Variants in EFCAB6 observed in about 807,000 individuals in gnomAD.
The protein encoded by EFCAB6 is EF-hand calcium-binding domain-containing protein 6.
EFCAB6 carries 156 observed loss-of-function variants against 169.8 expected under a neutral mutation model. The observed-to-expected ratio is 0.92, with a 90% CI of 0.81 to 1.05. The LOEUF is 1.05. EFCAB6 is among the 50% of genes least tolerant of loss of function. The pLI, the probability that EFCAB6 is intolerant of heterozygous loss-of-function variation, is 0.00. For synonymous variants in EFCAB6, 698 were observed against 676.4 expected (o/e 1.03, Z -0.50); for missense variants, 1,800 against 1,829.1 (o/e 0.98, Z 0.29).
intron 22 of EFCAB6, among the ~76,000 whole-genome samples, chr22:43,602,603 A>C (rs2052602328): frequency 6.6e-6 from 1 of 152,136 alleles, no homozygotes; most frequent in African/African-American, 2.4e-5. Context: ...AGGACAATGT[A>C]ATAATGCAAC....
intron 2 of EFCAB6, among the ~76,000 whole-genome samples, chr22:43,799,329 C>CCACACACACACACACACA (rs112231545): frequency 6.8e-6 from 1 of 146,548 alleles, no homozygotes; most frequent in African/African-American, 2.5e-5. Flanking sequence ...GAATCTGTCT[C>CCACACACACACACACACA]CACACACACA....
intron 9 of EFCAB6, among the ~76,000 whole-genome samples, chr22:43,714,410 T>C (rs1459969258): frequency 6.6e-6 from 1 of 152,114 alleles, no homozygotes; most frequent in African/African-American, 2.4e-5. Context: ...TGCCACCACA[T>C]TGATTTTCCT....
chr22:43,742,422 A>T (rs1020241565), intron 6 of EFCAB6, among the ~76,000 whole-genome samples: 3 of 151,996 alleles, frequency 2.0e-5, no homozygotes, highest in Non-Finnish European at 4.4e-5. Context: ...ACTGACCCAT[A>T]CTCCACTCCT....
chr22:43,670,126 A>G (rs1473300506), intron 15 of EFCAB6, among the ~76,000 whole-genome samples: 2 of 152,220 alleles, frequency 1.3e-5, no homozygotes, highest in East Asian at 1.9e-4. Flanking sequence ...TACACTTGCT[A>G]TAACTGCTGT....
At position 43,637,818 on chromosome 22, in the gene EFCAB6, C is replaced by A. The variant is rs371804853; in HGVS notation, c.1984-2602G>T. Among the ~76,000 whole-genome samples, 3 of 152,366 alleles carry A rather than the reference C, an allele frequency of 2.0e-5. No homozygotes were observed. The East Asian group carries it at 5.8e-4, about 29-fold the overall frequency. ...GCCGTGGCCCCCGCAGAAGCACACACAGCCGCGGTGAGCCTCTGGTTGCTT... is the reference window on the plus strand; with the variant it reads ...GCCGTGGCCCCCGCAGAAGCACACAAAGCCGCGGTGAGCCTCTGGTTGCTT... On this transcript the variant is annotated intron_variant, in intron 17 of 31. Transcript: ENST00000262726.
chr22:43,616,697 T>C (rs146083762), intron 20 of EFCAB6, among the ~76,000 whole-genome samples: 1 of 152,160 alleles, frequency 6.6e-6, no homozygotes, highest in East Asian at 1.9e-4. Flanking sequence ...AATTCTATCA[T>C]ATTTACTCAC....
rs202139802 is a variant in EFCAB6, at chr22:43,746,766, AT to A, written c.507+8999del. ...TCTCTACAAAAAATTAGAAATTAAAATTTTAAAAAGGGCTGCTGATCTATAA... is the reference window on the plus strand; with the variant it reads ...TCTCTACAAAAAATTAGAAATTAAAATTTAAAAAGGGCTGCTGATCTATAA... On this transcript the variant is annotated intron_variant, in intron 6 of 31. Coordinates refer to ENST00000262726, the MANE Select transcript of EFCAB6 (RefSeq NM_022785.4). Among the ~76,000 whole-genome samples the A allele has an allele frequency of 8.9e-3, 1,351 of 152,282 alleles. 17 individuals are homozygous for A. The highest frequency in any genetic ancestry group is 0.031 in the African/African-American group (1,306 of 41,554).
chr22:43,650,310 T>C (rs2056404992), intron 17 of EFCAB6, among the ~76,000 whole-genome samples: 1 of 152,172 alleles, frequency 6.6e-6, no homozygotes. Flanking sequence ...TGATAGTGAA[T>C]AGGTCTCAAG....
intron 17 of EFCAB6, among the ~76,000 whole-genome samples, chr22:43,644,989 G>A (rs2056061505): frequency 1.3e-5 from 2 of 152,152 alleles, no homozygotes; most frequent in Admixed American, 6.5e-5. Context: ...CTTTCAATAA[G>A]CAACTTTTCC....
chr22:43,624,482 A>G (rs2054355803), intron 20 of EFCAB6, among the ~76,000 whole-genome samples: 1 of 151,812 alleles, frequency 6.6e-6, no homozygotes, highest in South Asian at 2.1e-4. Context: ...GATCCCACAC[A>G]TGCATCCTCT....
At chr22:43,808,115 C>T (rs1333557527) in intron 2 of EFCAB6, among the ~76,000 whole-genome samples, 3 of 152,166 alleles carry the variant, frequency 2.0e-5, no homozygotes, top group Non-Finnish European at 2.9e-5. Context: ...ATGTTGATGT[C>T]TGTACTGAAT....
At chr22:43,680,480 A>T (rs2057960805) in intron 12 of EFCAB6, among the ~76,000 whole-genome samples, 1 of 149,232 alleles carries the variant, frequency 6.7e-6, no homozygotes, top group African/African-American at 2.5e-5. Context: ...AAGCAAAAAA[A>T]AAGAAAAAAA....
In EFCAB6 at chr22:43,531,609, T is replaced by G. The variant is rs118113829; in HGVS notation, c.4234-645A>C. On this transcript the variant is annotated intron_variant, in intron 30 of 31. Transcript: ENST00000262726. ...GGTAGGCAACAATGCGTAACACATCTTGGGAAAGTTGAATTTTAACATAAC... is the reference window on the plus strand; with the variant it reads ...GGTAGGCAACAATGCGTAACACATCGTGGGAAAGTTGAATTTTAACATAAC... Among the ~76,000 whole-genome samples, 174 of 152,330 alleles carry G rather than the reference T, an allele frequency of 1.1e-3. 4 individuals carry two copies. The East Asian group carries it at 0.023, about 20-fold the overall frequency.
intron 10 of EFCAB6, among the ~76,000 whole-genome samples, chr22:43,708,089 T>TAAAAAAAAA (rs137824): frequency 2.6e-5 from 3 of 115,530 alleles, no homozygotes; most frequent in Non-Finnish European, 5.5e-5. Context: ...TAAAGAAAAC[T>TAAAAAAAAA]AAAAAAAAAA....
intron 17 of EFCAB6, among the ~76,000 whole-genome samples, chr22:43,642,877 T>G (rs1427073493): frequency 1.3e-5 from 2 of 152,112 alleles, no homozygotes; most frequent in Non-Finnish European, 2.9e-5. Flanking sequence ...CCTTTTCAAG[T>G]CTTAACCAAC....
At chr22:43,650,465 T>C (rs2056413144) in intron 17 of EFCAB6, among the ~76,000 whole-genome samples, 1 of 152,226 alleles carries the variant, frequency 6.6e-6, no homozygotes, top group Non-Finnish European at 1.5e-5. Context: ...GAACTCTAAG[T>C]CCAGTTAAAC....
chr22:43,798,228 A>G (rs2062581537), intron 2 of EFCAB6, among the ~76,000 whole-genome samples: 1 of 152,132 alleles, frequency 6.6e-6, no homozygotes, highest in Non-Finnish European at 1.5e-5. Context: ...TACTAAAAAT[A>G]CAAAATTTAG....
intron 27 of EFCAB6, among the ~76,000 whole-genome samples, chr22:43,547,380 T>C (rs186539068): frequency 1.3e-5 from 2 of 152,330 alleles, no homozygotes; most frequent in Admixed American, 1.3e-4. Context: ...TTATCACCTA[T>C]TGGTTAAAAT....
At chr22:43,707,737 G>A (rs1356874310) in intron 10 of EFCAB6, among the ~76,000 whole-genome samples, 2 of 152,020 alleles carry the variant, frequency 1.3e-5, no homozygotes, top group African/African-American at 2.4e-5. Context: ...CTTGCTAAAC[G>A]GACTACCAAA....
Sources: allele counts gnomAD v4.1 joint callset (sites outside exome capture counted in the v4.1 genomes callset), GRCh38; gene constraint gnomAD v4.1.1; transcripts MANE v1.5; gene names NCBI Gene and HGNC (gene_info 2026-07-23, HGNC 2026-07-21).